STARD13: variants seen among roughly 807,000 people sequenced by gnomAD.
The protein encoded by STARD13 is StAR related lipid transfer domain containing 13, also known as stAR-related lipid transfer protein 13.
A neutral mutation model predicts 106.4 loss-of-function variants in STARD13; 62 were observed. That is an observed-to-expected ratio of 0.58 (90% CI 0.48 to 0.72). The LOEUF (loss-of-function observed/expected upper bound fraction) is 0.72, where lower values mean the gene tolerates loss of function less well. Ranked by LOEUF, STARD13 falls within the 30% of genes least tolerant of loss-of-function variation. The pLI, the probability that STARD13 is intolerant of heterozygous loss-of-function variation, is 0.00. For synonymous variants in STARD13, 565 were observed against 553.0 expected (o/e 1.02, Z -0.31); for missense variants, 1,387 against 1,424.0 (o/e 0.97, Z 0.42).
intron 3 of STARD13, among the ~76,000 whole-genome samples, chr13:33,143,688 G>A (rs1593955571): frequency 6.6e-6 from 1 of 152,216 alleles, no homozygotes; most frequent in Non-Finnish European, 1.5e-5. Context: ...TGAGTAGCTG[G>A]GACTACAGGT....
chr13:33,532,567 A>G, the STARD13 span, among the ~76,000 whole-genome samples: 36 of 152,228 alleles, frequency 2.4e-4, no homozygotes, highest in African/African-American at 7.9e-4. Context: ...GCTTGTAAGA[A>G]ATTTTTCTAT....
chr13:33,351,075 G>T (rs920213021), upstream of STARD13, among the ~76,000 whole-genome samples: 36 of 152,274 alleles, frequency 2.4e-4, no homozygotes, highest in African/African-American at 8.7e-4. Flanking sequence ...CAATATTGGT[G>T]ATCTGAACAT....
the STARD13 span, among the ~76,000 whole-genome samples, chr13:33,522,983 C>A: frequency 6.6e-6 from 1 of 152,126 alleles, no homozygotes; most frequent in African/African-American, 2.4e-5. Context: ...ATTCCATGTT[C>A]AATCATGGCA....
chr13:33,489,525 T>G, the STARD13 span, among the ~76,000 whole-genome samples: 47 of 152,214 alleles, frequency 3.1e-4, no homozygotes, highest in Non-Finnish European at 1.8e-4. Context: ...AATGTTACTT[T>G]TATGTGGGTC....
the STARD13 span, among the ~76,000 whole-genome samples, chr13:33,669,907 C>A: frequency 6.6e-6 from 1 of 152,164 alleles, no homozygotes; most frequent in Non-Finnish European, 1.5e-5. Flanking sequence ...TACTTTGTTA[C>A]AAAATCTAAT....
intron 1 of STARD13, among the ~76,000 whole-genome samples, chr13:33,247,726 C>A (rs1427120532): frequency 3.9e-5 from 6 of 152,140 alleles, no homozygotes; most frequent in African/African-American, 1.2e-4. Context: ...CTTGTAAGTG[C>A]TGGAACCGTG....
chr13:33,207,093 G>C (rs1242005564), intron 1 of STARD13, among the ~76,000 whole-genome samples: 1 of 152,224 alleles, frequency 6.6e-6, no homozygotes, highest in African/African-American at 2.4e-5. Context: ...TAATCTGGCA[G>C]AGGATGATAC....
the STARD13 span, among the ~76,000 whole-genome samples, chr13:33,420,352 CAAAG>C: frequency 1.3e-5 from 2 of 152,104 alleles, no homozygotes; most frequent in African/African-American, 2.4e-5. Flanking sequence ...TCAGAAGAGA[CAAAG>C]AAGGCCATTA....
At chr13:33,516,859 T>C in the STARD13 span, among the ~76,000 whole-genome samples, 1 of 151,436 alleles carries the variant, frequency 6.6e-6, no homozygotes, top group African/African-American at 2.4e-5. Flanking sequence ...AAGGATCACT[T>C]GAGCCCAGCA....
chr13:33,485,281 T>G, the STARD13 span, among the ~76,000 whole-genome samples: 1 of 152,226 alleles, frequency 6.6e-6, no homozygotes, highest in Non-Finnish European at 1.5e-5. Context: ...CGAAGTGAAA[T>G]GTTCCATGAT....
intron 1 of STARD13, among the ~76,000 whole-genome samples, chr13:33,209,521 T>C (rs554186501): frequency 6.6e-5 from 10 of 151,834 alleles, no homozygotes; most frequent in Non-Finnish European, 1.2e-4. Context: ...AATATCTAGG[T>C]GTAAGTGCAG....
At chr13:33,582,064 C>CA in the STARD13 span, among the ~76,000 whole-genome samples, 19 of 151,438 alleles carry the variant, frequency 1.3e-4, no homozygotes, top group Admixed American at 5.9e-4. Context: ...ACTAAAAATA[C>CA]AAAAAAAATT....
the STARD13 span, among the ~76,000 whole-genome samples, chr13:33,463,065 TAAGTA>T: frequency 2.0e-5 from 3 of 152,216 alleles, no homozygotes; most frequent in Non-Finnish European, 4.4e-5. Context: ...TCTAACTGAA[TAAGTA>T]AATAGTTTGC....
At chr13:33,617,456 C>T in the STARD13 span, among the ~76,000 whole-genome samples, 1 of 152,204 alleles carries the variant, frequency 6.6e-6, no homozygotes, top group Admixed American at 6.5e-5. Context: ...GGAAACATTA[C>T]ACTCACACTG....
At chr13:33,370,895 A>T in the STARD13 span, among the ~76,000 whole-genome samples, 1 of 152,120 alleles carries the variant, frequency 6.6e-6, no homozygotes, top group Non-Finnish European at 1.5e-5. Context: ...TGCTGAGATT[A>T]CAGGTGTGAG....
chr13:33,210,864 C>A, intron 1 of STARD13, among the ~76,000 whole-genome samples: 1 of 152,138 alleles, frequency 6.6e-6, no homozygotes, highest in Non-Finnish European at 1.5e-5. Flanking sequence ...AAAGAGGGCA[C>A]CTCCACATCA....
the STARD13 span, among the ~76,000 whole-genome samples, chr13:33,423,340 A>G: frequency 1.3e-5 from 2 of 152,256 alleles, no homozygotes; most frequent in Non-Finnish European, 2.9e-5. Flanking sequence ...GACACATGAA[A>G]AAATGGTCAT....
the STARD13 span, among the ~76,000 whole-genome samples, chr13:33,556,926 G>C: frequency 6.6e-6 from 1 of 152,170 alleles, no homozygotes; most frequent in African/African-American, 2.4e-5. Flanking sequence ...GCTAATTTTT[G>C]TATTTTTTGT....
At chr13:33,608,706 A>G in the STARD13 span, among the ~76,000 whole-genome samples, 1 of 152,228 alleles carries the variant, frequency 6.6e-6, no homozygotes, top group African/African-American at 2.4e-5. Context: ...TCACATTCCC[A>G]GATTCAGGCT....
Sources: allele counts gnomAD v4.1 joint callset (sites outside exome capture counted in the v4.1 genomes callset), GRCh38; gene constraint gnomAD v4.1.1; transcripts MANE v1.5; gene names NCBI Gene and HGNC (gene_info 2026-07-23, HGNC 2026-07-21).